NUMB: variants seen among roughly 807,000 people sequenced by gnomAD.
The protein encoded by NUMB is protein numb homolog.
In NUMB, 29 loss-of-function variants were observed where a neutral mutation model predicts 59.7. The observed-to-expected ratio is 0.49, with a 90% CI of 0.36 to 0.66. The LOEUF is 0.66. Among genes scored for constraint, NUMB ranks in the 30% least tolerant of loss-of-function variants. The pLI is 0.00. For missense variants in NUMB, 723 were observed against 822.0 expected, an observed-to-expected ratio of 0.88 and a Z score of 1.47; for synonymous variants, 288 against 288.2, an observed-to-expected ratio of 1.00 and a Z score of 0.01.
chr14:73,313,668 G>GGAAAAAAAAAAAAAA (rs35073819), intron 6 of NUMB, among the ~76,000 whole-genome samples: 7 of 124,108 alleles, frequency 5.6e-5, no homozygotes, highest in African/African-American at 1.9e-4. Flanking sequence ...TCCAAAATCT[G>GGAAAAAAAAAAAAAA]AAAAAAAAAA....
intron 1 of NUMB, chr14:73,458,103 A>G (rs1408508807): frequency 6.6e-6 from 1 of 152,414 alleles, no homozygotes; most frequent in Non-Finnish European, 1.5e-5. Flanking sequence ...CCGCCCTTGA[A>G]GCAGGTCGTT....
At chr14:73,297,930 C>T (rs1889886673) in intron 6 of NUMB, 1 of 152,058 alleles carries the variant, frequency 6.6e-6, no homozygotes, top group African/African-American at 2.4e-5. Context: ...ACTCTGTCGC[C>T]CAGGCTGGAG....
intron 3 of NUMB, among the ~76,000 whole-genome samples, chr14:73,362,737 A>G (rs577940317): frequency 6.6e-6 from 1 of 152,248 alleles, no homozygotes; most frequent in African/African-American, 2.4e-5. Flanking sequence ...CACCTGGCCT[A>G]TCACTCTATT....
chr14:73,367,296 T>TATAC (rs1406816784), intron 2 of NUMB, among the ~76,000 whole-genome samples: 314 of 121,010 alleles, frequency 2.6e-3, no homozygotes, highest in African/African-American at 6.2e-3. Flanking sequence ...TATATATATA[T>TATAC]ACACACACAC....
intron 4 of NUMB, among the ~76,000 whole-genome samples, chr14:73,351,124 G>T (rs754606873): frequency 2.0e-5 from 3 of 152,162 alleles, no homozygotes; most frequent in Non-Finnish European, 2.9e-5. Context: ...TGTGATACAT[G>T]CGTGTAAGGA....
At chr14:73,450,667 C>T (rs1196346955) in intron 1 of NUMB, among the ~76,000 whole-genome samples, 26 of 151,948 alleles carry the variant, frequency 1.7e-4, no homozygotes, top group Admixed American at 1.6e-3. Context: ...TGGTGGCACA[C>T]GCCTGTAATC....
intron 2 of NUMB, among the ~76,000 whole-genome samples, chr14:73,393,488 A>C (rs1895956980): frequency 6.6e-6 from 1 of 152,250 alleles, no homozygotes; most frequent in African/African-American, 2.4e-5. Flanking sequence ...TAAATCTGGA[A>C]GATTGGCAAT....
In NUMB at chr14:73,277,312, G is replaced by A; in HGVS notation, c.1241-19C>T. The A allele has an allele frequency of 1.3e-6, 2 of 1,559,458 alleles. No individual in the cohort carries two copies. The highest frequency in any genetic ancestry group is 1.8e-6 in the Non-Finnish European group (2 of 1,142,338). On this transcript the variant is annotated intron_variant, in intron 12 of 12. Transcript: ENST00000555238. The stretch of plus-strand genomic sequence containing the variant: ...TCGGTCCCTGGAACCAACAAGATGA[G>A]AGACAAAAGAATCAGTTAGGGGCAT...
At chr14:73,454,953 T>A (rs543938495) in intron 1 of NUMB, among the ~76,000 whole-genome samples, 1 of 152,240 alleles carries the variant, frequency 6.6e-6, no homozygotes, top group African/African-American at 2.4e-5. Flanking sequence ...CTAAGAATAA[T>A]CCACTGAACT....
At chr14:73,313,024 T>A (rs1247515555) in intron 6 of NUMB, among the ~76,000 whole-genome samples, 1 of 151,644 alleles carries the variant, frequency 6.6e-6, no homozygotes, top group East Asian at 2.0e-4. Context: ...TCTTGCTCTA[T>A]AGTCCAGGCT....
chr14:73,283,454 T>C (rs117966347), intron 10 of NUMB, among the ~76,000 whole-genome samples: 3,219 of 152,292 alleles, frequency 0.021, 64 homozygotes, highest in Middle Eastern at 0.061. Context: ...CCAGATCTAA[T>C]ACTTTAGCTA....
chr14:73,405,257 A>AT (rs1896602334), intron 2 of NUMB, among the ~76,000 whole-genome samples: 1 of 151,802 alleles, frequency 6.6e-6, no homozygotes, highest in South Asian at 2.1e-4. Flanking sequence ...TGAGTTTATC[A>AT]TTTTTTTCCT....
chr14:73,364,309 G>C (rs1440411171), intron 3 of NUMB, among the ~76,000 whole-genome samples: 1 of 151,946 alleles, frequency 6.6e-6, no homozygotes, highest in Non-Finnish European at 1.5e-5. Context: ...TTCGAGACCA[G>C]CCTGGCCAAC....
At chr14:73,311,289 C>T (rs1244403057) in intron 6 of NUMB, among the ~76,000 whole-genome samples, 4 of 152,076 alleles carry the variant, frequency 2.6e-5, no homozygotes, top group South Asian at 4.1e-4. Flanking sequence ...CTCCTGACCT[C>T]GTGATCCACC....
At chr14:73,279,804 G>T (rs1888487328) in intron 11 of NUMB, among the ~76,000 whole-genome samples, 1 of 152,160 alleles carries the variant, frequency 6.6e-6, no homozygotes, top group African/African-American at 2.4e-5. Flanking sequence ...AATGAAGTAG[G>T]TATAGCATTT....
chr14:73,320,952 G>A (rs960756395), intron 5 of NUMB, among the ~76,000 whole-genome samples: 1 of 151,022 alleles, frequency 6.6e-6, no homozygotes, highest in African/African-American at 2.4e-5. Flanking sequence ...GGCTATCTCT[G>A]GGGTTGTAGG....
chr14:73,399,869 C>T lies in NUMB; in HGVS notation c.-101+10068G>A, dbSNP rs913609547. The stretch of plus-strand genomic sequence containing the variant: ...GACCAGCCTAGCCAACATGGAGAAA[C>T]CCCATCTCTACAAAAATAAAAAAAT... On this transcript the variant is annotated intron_variant, in intron 2 of 12. Coordinates refer to ENST00000555238, the MANE Select transcript of NUMB (RefSeq NM_001005743.2). 8.9e-4 allele frequency among the ~76,000 whole-genome samples: 136 copies of T among 152,024 alleles called. 3 individuals are homozygous for T. Among genetic ancestry groups the T allele is most frequent in the Non-Finnish European group, 1.8e-3 (124 of 68,014 alleles).
intron 2 of NUMB, among the ~76,000 whole-genome samples, chr14:73,401,740 T>A (rs1472411542): frequency 6.6e-6 from 1 of 151,680 alleles, no homozygotes; most frequent in Non-Finnish European, 1.5e-5. Flanking sequence ...CAGCTAATTT[T>A]CTGTATTTTT....
intron 4 of NUMB, among the ~76,000 whole-genome samples, chr14:73,353,243 C>T (rs1206127465): frequency 6.6e-6 from 1 of 150,722 alleles, no homozygotes; most frequent in Non-Finnish European, 1.5e-5. Context: ...CACTACCATG[C>T]CCAGCTAATT....
Sources: gnomAD v4.1 joint callset for allele counts (sites outside exome capture counted in the v4.1 genomes callset) on GRCh38, gnomAD v4.1.1 for gene constraint, MANE v1.5 for transcripts, NCBI Gene and HGNC (gene_info 2026-07-23, HGNC 2026-07-21) for gene names.